The following ZNF618 variants were observed in gnomAD, a reference collection of about 807,000 sequenced individuals.
ZNF618 encodes neural precursor cell expressed, developmentally down-regulated 10.
Under a neutral mutation model 103.0 loss-of-function variants are expected in ZNF618, and 34 were observed. The ratio of observed to expected loss-of-function variants is 0.33; its 90% CI spans 0.25 to 0.44. The LOEUF (loss-of-function observed/expected upper bound fraction) is 0.44, where lower values mean the gene tolerates loss of function less well. Among genes scored for constraint, ZNF618 ranks in the 20% least tolerant of loss-of-function variants. ZNF618 has a pLI of 1.00. For synonymous variants in ZNF618, 551 were observed against 542.2 expected, an observed-to-expected ratio of 1.02 and a Z score of -0.23; for missense variants, 1,059 against 1,295.4, an observed-to-expected ratio of 0.82 and a Z score of 2.80.
At chr9:113,986,348 A>G (rs1839477171) in intron 2 of ZNF618, among the ~76,000 whole-genome samples, 1 of 152,224 alleles carries the variant, frequency 6.6e-6, no homozygotes, top group African/African-American at 2.4e-5. Flanking sequence ...TGTTCCGTCC[A>G]TCTGAGTCCT....
chr9:113,972,789 C>A (rs1320274919), intron 2 of ZNF618, among the ~76,000 whole-genome samples: 2 of 152,086 alleles, frequency 1.3e-5, no homozygotes, highest in Non-Finnish European at 2.9e-5. Context: ...TTGTTGGGCC[C>A]AGTGCGGTGG....
At chr9:113,985,984 A>T (rs1839436650) in intron 2 of ZNF618, among the ~76,000 whole-genome samples, 1 of 152,206 alleles carries the variant, frequency 6.6e-6, no homozygotes, top group Non-Finnish European at 1.5e-5. Context: ...ATGCAGTTTT[A>T]CACTTTCTTA....
chr9:114,032,313 G>A (rs1844143368), intron 11 of ZNF618, among the ~76,000 whole-genome samples: 5 of 152,228 alleles, frequency 3.3e-5, no homozygotes, highest in Admixed American at 6.5e-5. Context: ...TTGCTGTCAC[G>A]GTTGTGGCTC....
At chr9:113,883,994 C>T (rs985650893) in intron 1 of ZNF618, among the ~76,000 whole-genome samples, 3 of 50,450 alleles carry the variant, frequency 5.9e-5, no homozygotes, top group Admixed American at 3.2e-4. Context: ...CCCCCCCCCC[C>T]CCCCCCCCGC....
chr9:114,025,496 T>C (rs1164518319), intron 10 of ZNF618, among the ~76,000 whole-genome samples: 1 of 152,126 alleles, frequency 6.6e-6, no homozygotes. Context: ...TGCATGTGTG[T>C]TTCCTACAGG....
At chr9:114,016,248 A>G (rs1442309126) in intron 9 of ZNF618, 8 of 1,378,992 alleles carry the variant, frequency 5.8e-6, no homozygotes, top group African/African-American at 1.4e-5. Flanking sequence ...GCTTGGGGGC[A>G]GGGAAGGTCC....
chr9:114,013,706 C>T (rs1842439768), intron 9 of ZNF618, among the ~76,000 whole-genome samples: 1 of 152,230 alleles, frequency 6.6e-6, no homozygotes, highest in African/African-American at 2.4e-5. Context: ...GCTGGGATTA[C>T]AGGCGTGAGC....
intron 1 of ZNF618, among the ~76,000 whole-genome samples, chr9:113,933,654 T>G (rs1833796428): frequency 6.6e-6 from 1 of 152,094 alleles, no homozygotes; most frequent in Non-Finnish European, 1.5e-5. Flanking sequence ...CACTGGAGGT[T>G]TGTGGTCACA....
chr9:114,013,202 A>T (rs1842397190), intron 9 of ZNF618, among the ~76,000 whole-genome samples: 1 of 151,860 alleles, frequency 6.6e-6, no homozygotes, highest in Non-Finnish European at 1.5e-5. Flanking sequence ...TTAAAAACGT[A>T]TTTTTTTTCT....
chr9:114,000,536 C>T (rs1035742921), intron 4 of ZNF618, among the ~76,000 whole-genome samples: 1 of 151,428 alleles, frequency 6.6e-6, no homozygotes, highest in African/African-American at 2.4e-5. Flanking sequence ...ATGTGTGGCC[C>T]AAGACAATTC....
chr9:113,998,449 GCC>G, intron 4 of ZNF618, 95 bp downstream of exon 4: 1 of 1,130,788 alleles, frequency 8.8e-7, no homozygotes, highest in East Asian at 2.6e-5. Flanking sequence ...GAGTAAGCAG[GCC>G]CCTGTTAGCA....
At chr9:113,969,325 T>C (rs1163426918) in intron 2 of ZNF618, among the ~76,000 whole-genome samples, 165 bp downstream of exon 2, 1 of 152,222 alleles carries the variant, frequency 6.6e-6, no homozygotes, top group Non-Finnish European at 1.5e-5. Flanking sequence ...TGTGAGGTCA[T>C]AGAAAGCATT....
chr9:113,883,982 G>GCCGCCCCCCCCCCCCCCCC (rs1268932490), intron 1 of ZNF618, among the ~76,000 whole-genome samples: 2 of 29,708 alleles, frequency 6.7e-5, no homozygotes, highest in African/African-American at 1.5e-4. Flanking sequence ...TCTGGGCTTG[G>GCCGCCCCCCCCCCCCCCCC]CCCCCCCCCC....
At chr9:113,951,383 A>G (rs1336460080) in intron 1 of ZNF618, among the ~76,000 whole-genome samples, 2 of 146,538 alleles carry the variant, frequency 1.4e-5, no homozygotes, top group Non-Finnish European at 3.0e-5. Context: ...GGCTTGGAGC[A>G]CTTTTTCCTA....
intron 1 of ZNF618, among the ~76,000 whole-genome samples, chr9:113,899,981 G>A (rs1186907942): frequency 6.6e-6 from 1 of 152,022 alleles, no homozygotes; most frequent in African/African-American, 2.4e-5. Context: ...TTTTTTTTTG[G>A]TATGTACCTA....
intron 1 of ZNF618, among the ~76,000 whole-genome samples, chr9:113,944,800 G>T (rs193011240): frequency 7.2e-5 from 11 of 152,154 alleles, no homozygotes; most frequent in Admixed American, 4.6e-4. Flanking sequence ...ACACATTTTT[G>T]ATTTTTTACA....
At chr9:113,945,565 GC>G (rs1308960315) in intron 1 of ZNF618, among the ~76,000 whole-genome samples, 21 of 152,196 alleles carry the variant, frequency 1.4e-4, no homozygotes, top group African/African-American at 5.1e-4. Flanking sequence ...ATGACACAGG[GC>G]TGAGATTCAG....
intron 1 of ZNF618, among the ~76,000 whole-genome samples, chr9:113,939,084 T>C (rs1050150069): frequency 6.6e-6 from 1 of 150,958 alleles, no homozygotes; most frequent in Non-Finnish European, 1.5e-5. Flanking sequence ...TTGTTTCTTG[T>C]CTTCAACTTG....
At chr9:114,037,132 G>C (rs1198029684) in intron 13 of ZNF618, among the ~76,000 whole-genome samples, 5 of 152,072 alleles carry the variant, frequency 3.3e-5, no homozygotes, top group Non-Finnish European at 7.4e-5. Flanking sequence ...GTATGTGCTG[G>C]AATAAGTAAA....
Sources: gnomAD v4.1 joint callset for allele counts (sites outside exome capture counted in the v4.1 genomes callset) on GRCh38, gnomAD v4.1.1 for gene constraint, MANE v1.5 for transcripts, NCBI Gene and HGNC (gene_info 2026-07-23, HGNC 2026-07-21) for gene names.